SHROOM4: variants seen among roughly 807,000 people sequenced by gnomAD.
SHROOM4 encodes shroom family member 4, also known as protein Shroom4.
A neutral mutation model predicts 80.3 loss-of-function variants in SHROOM4; 17 were observed. The observed-to-expected ratio is 0.21, with a 90% CI of 0.14 to 0.32. SHROOM4 has a LOEUF of 0.32. Ranked by LOEUF, SHROOM4 falls within the 10% of genes least tolerant of loss-of-function variation. The pLI is 1.00. For synonymous variants in SHROOM4, 400 were observed against 437.5 expected (o/e 0.91, Z 1.07); for missense variants, 993 against 1,140.3 (o/e 0.87, Z 1.86).
chrX:50,610,725 C>G (rs1397741886), intron 5 of SHROOM4, among the ~76,000 whole-genome samples: 1 of 111,445 alleles, frequency 9.0e-6, no homozygotes, highest in Non-Finnish European at 1.9e-5. Flanking sequence ...AATTATGATA[C>G]TCATTTCATA....
rs1557248916 is a variant in SHROOM4 at position 50,607,770 on chromosome X, T to TTGC, written c.3369_3371dup (p.Gln1128dup). On this transcript the variant is annotated inframe_insertion, in exon 6 of 9. Transcript: ENST00000376020. ...CCTCCTGTTGCTTCTGCTGCTGCTG[T>TTGC]TGCTGCTTCTGCTGCTGGGCTGCAC... is the stretch of plus-strand genomic sequence containing the variant. 1 of 1,206,750 alleles carries TTGC rather than the reference T, an allele frequency of 8.3e-7. No homozygotes were observed. The highest frequency in any genetic ancestry group is 2.2e-5 in the Admixed American group (1 of 45,832).
chrX:50,791,300 G>T (rs1274762417), intron 1 of SHROOM4, among the ~76,000 whole-genome samples: 1 of 111,492 alleles, frequency 9.0e-6, no homozygotes, highest in Non-Finnish European at 1.9e-5. Context: ...ATTGATGAAA[G>T]AAATCAAAGA....
At chrX:50,807,172 G>A (rs906955898) in intron 1 of SHROOM4, among the ~76,000 whole-genome samples, 4 of 112,042 alleles carry the variant, frequency 3.6e-5, no homozygotes, top group South Asian at 3.8e-4. Context: ...CTCCCTGATC[G>A]AGGCTTTAGT....
intron 2 of SHROOM4, among the ~76,000 whole-genome samples, chrX:50,652,047 G>C (rs1359535316): frequency 6.3e-5 from 7 of 111,902 alleles, no homozygotes; most frequent in Admixed American, 1.9e-4. Context: ...AAACATACGT[G>C]TACATGTGTC....
intron 1 of SHROOM4, among the ~76,000 whole-genome samples, chrX:50,802,441 T>C (rs1557272696): frequency 8.9e-6 from 1 of 111,732 alleles, no homozygotes; most frequent in Non-Finnish European, 1.9e-5. Flanking sequence ...TCTTCCCAAT[T>C]CCCATAATCT....
At chrX:50,700,449 G>A (rs1329642117) in intron 1 of SHROOM4, among the ~76,000 whole-genome samples, 2 of 111,974 alleles carry the variant, frequency 1.8e-5, no homozygotes, top group African/African-American at 3.2e-5. Context: ...TTAAGAAGTA[G>A]GAGCATCAAA....
intron 2 of SHROOM4, among the ~76,000 whole-genome samples, chrX:50,658,081 A>G (rs1557259622): frequency 2.7e-5 from 3 of 112,143 alleles, no homozygotes; most frequent in African/African-American, 9.7e-5. Context: ...ATGTGAGGAC[A>G]CAGCAACAAG....
At chrX:50,602,541 G>A (rs1335852848) in intron 7 of SHROOM4, 92 bp downstream of exon 7, 31 of 911,868 alleles carry the variant, frequency 3.4e-5, no homozygotes, top group Non-Finnish European at 4.6e-5. Flanking sequence ...ATGGGAATGC[G>A]AGATGTTCTA....
At chrX:50,802,343 A>G in intron 1 of SHROOM4, among the ~76,000 whole-genome samples, 1 of 111,988 alleles carries the variant, frequency 8.9e-6, no homozygotes, top group Non-Finnish European at 1.9e-5. Flanking sequence ...CTTTAAATAA[A>G]CATGCTCCCC....
At chrX:50,737,811 C>T (rs1159382851) in intron 1 of SHROOM4, among the ~76,000 whole-genome samples, 1 of 111,833 alleles carries the variant, frequency 8.9e-6, no homozygotes, top group African/African-American at 3.3e-5. Flanking sequence ...AGAGGGAATC[C>T]TCCCTAACTC....
rs371147716 is a variant in SHROOM4 at position 50,794,986 on chromosome X, A to G, written c.117+18916T>C. 1.2e-4 allele frequency among the ~76,000 whole-genome samples: 11 copies of G among 94,234 alleles called. No individual in the cohort carries two copies. In the East Asian group the frequency reaches 3.4e-3, roughly 29 times the overall value. The allele number at this position is 94,234 out of a possible 115,157, so 81.8% of individuals were successfully genotyped here. On this transcript the variant is annotated intron_variant, in intron 1 of 8. Transcript: ENST00000376020. ...CATATATATATATCTCATACATGAT[A>G]TATGTTGGATAACAACATCTTTATA...
intron 1 of SHROOM4, among the ~76,000 whole-genome samples, chrX:50,801,263 A>G (rs868986938): frequency 3.7e-4 from 36 of 97,815 alleles, no homozygotes; most frequent in Middle Eastern, 5.2e-3. Flanking sequence ...GAGAAAGAGG[A>G]GAGAGAGAGA....
At chrX:50,611,444 T>C (rs183417462) in intron 5 of SHROOM4, among the ~76,000 whole-genome samples, 47 of 110,909 alleles carry the variant, frequency 4.2e-4, no homozygotes, top group Non-Finnish European at 7.4e-4. Context: ...ACGGTAACAC[T>C]AGAAATTAAT....
At chrX:50,798,344 G>A (rs782797220) in intron 1 of SHROOM4, among the ~76,000 whole-genome samples, 1 of 111,645 alleles carries the variant, frequency 9.0e-6, no homozygotes, top group Non-Finnish European at 1.9e-5. Flanking sequence ...GTACCTCTTC[G>A]TGCATTATAT....
intron 1 of SHROOM4, among the ~76,000 whole-genome samples, chrX:50,793,685 C>T (rs1174976605): frequency 9.4e-6 from 1 of 106,312 alleles, no homozygotes; most frequent in Non-Finnish European, 1.9e-5. Context: ...ATGCTGCACG[C>T]TAATGTATAT....
intron 2 of SHROOM4, among the ~76,000 whole-genome samples, chrX:50,681,833 T>C (rs782598242): frequency 8.9e-6 from 1 of 112,080 alleles, no homozygotes; most frequent in South Asian, 3.8e-4. Flanking sequence ...AGTAAATATT[T>C]GTTAGATGAA....
intron 2 of SHROOM4, among the ~76,000 whole-genome samples, chrX:50,648,277 A>T (rs1419661142): frequency 9.0e-6 from 1 of 111,699 alleles, no homozygotes; most frequent in Admixed American, 9.5e-5. Flanking sequence ...ATGAGGAAAA[A>T]AGAATGAGCT....
At position 50,634,040 on chromosome X, in the gene SHROOM4, C is replaced by T. The variant is rs782077275; in HGVS notation, c.2033G>A (p.Arg678Lys). ...LSQAPESHES[R>K]TGLEGRISPG... ...GCTTATTCGTCCCTCTAAGCCTGTC[C>T]TAGATTCATGGCTCTCAGGGGCTTG... The change falls in exon 4 of 9, where the codon AGG (arginine) becomes AAG (lysine). Residue 678 changes from arginine (R) to lysine (K), a missense_variant. Transcript: ENST00000376020. The T allele has an allele frequency of 7.4e-6, 9 of 1,212,011 alleles. 1 individual carries two copies. In the South Asian group the frequency reaches 1.6e-4, roughly 21 times the overall value.
chrX:50,657,045 T>A (rs1264743944), intron 2 of SHROOM4, among the ~76,000 whole-genome samples: 1 of 111,512 alleles, frequency 9.0e-6, no homozygotes, highest in African/African-American at 3.2e-5. Flanking sequence ...GGATCATTTT[T>A]AAAATTTCTA....
Sources: gnomAD v4.1 joint callset for allele counts (sites outside exome capture counted in the v4.1 genomes callset) on GRCh38, gnomAD v4.1.1 for gene constraint, MANE v1.5 for transcripts, NCBI Gene and HGNC (gene_info 2026-07-23, HGNC 2026-07-21) for gene names.